GLIS1: variants seen among roughly 807,000 people sequenced by gnomAD.
GLIS1 encodes the protein zinc finger protein GLIS1.
In GLIS1, 24 loss-of-function variants were observed where a neutral mutation model predicts 63.8. The observed-to-expected ratio is 0.38, with a 90% CI of 0.27 to 0.53. The LOEUF (loss-of-function observed/expected upper bound fraction) is 0.53, where lower values mean the gene tolerates loss of function less well. Among genes scored for constraint, GLIS1 ranks in the 20% least tolerant of loss-of-function variants. The probability of loss-of-function intolerance (pLI) is 0.85; values close to 1 mark genes in which losing one functional copy is unlikely to be tolerated. For missense variants in GLIS1, 1,036 were observed against 1,074.1 expected, an observed-to-expected ratio of 0.96 and a Z score of 0.50; for synonymous variants, 450 against 482.5, an observed-to-expected ratio of 0.93 and a Z score of 0.88.
intron 2 of GLIS1, among the ~76,000 whole-genome samples, chr1:53,642,823 C>G (rs1645801946): frequency 6.6e-6 from 1 of 152,206 alleles, no homozygotes; most frequent in Non-Finnish European, 1.5e-5. Flanking sequence ...GGCTGCCCGG[C>G]CTCCCCAGTT....
Position 53,529,963 on chromosome 1 carries a change from G to C in GLIS1, c.1321-11C>G. On this transcript the variant is annotated splice_polypyrimidine_tract_variant and intron_variant, in intron 4 of 10. Transcript: ENST00000628545. Reference sequence around the variant, plus strand: ...GCTGCAGCCTTCAAACTGCAGGAGAGGCTGGTGAGGGGAACTCCCAGCCCG... The same window carrying C: ...GCTGCAGCCTTCAAACTGCAGGAGACGCTGGTGAGGGGAACTCCCAGCCCG... 6.2e-7 allele frequency: 1 copy of C among 1,611,418 alleles called. No individual in the cohort carries two copies. The highest frequency in any genetic ancestry group is 8.5e-7 in the Non-Finnish European group (1 of 1,178,838).
chr1:53,626,704 T>C (rs140950229), intron 2 of GLIS1, among the ~76,000 whole-genome samples: 1,764 of 152,346 alleles, frequency 0.012, 28 homozygotes, highest in African/African-American at 0.041. Flanking sequence ...GCATGAATCC[T>C]GTGAGGCCCA....
intron 2 of GLIS1, among the ~76,000 whole-genome samples, chr1:53,616,560 C>T (rs1023350142): frequency 6.6e-6 from 1 of 152,116 alleles, no homozygotes; most frequent in Non-Finnish European, 1.5e-5. Context: ...ATGACAGCAA[C>T]AGGGTTGGGT....
intron 2 of GLIS1, among the ~76,000 whole-genome samples, chr1:53,619,208 A>G (rs1645515473): frequency 6.6e-6 from 1 of 152,198 alleles, no homozygotes; most frequent in Non-Finnish European, 1.5e-5. Context: ...GCCAAAGAGA[A>G]CACCCATCCA....
chr1:53,574,572 G>A lies in GLIS1; in HGVS notation c.1320+19536C>T, dbSNP rs759273848. ...CAGAAAGGTAAAGTGACTTTCCCCC[G>A]GTCACACAGCACAGCAAGCCCTGGG... On this transcript the variant is annotated intron_variant, in intron 4 of 10. Transcript: ENST00000628545. This position sits in a 1 kb window ranked among gnomAD's most constrained non-coding sequence, Gnocchi z 4.2. 2.0e-4 allele frequency among the ~76,000 whole-genome samples: 31 copies of A among 152,178 alleles called. No individual in the cohort carries two copies. The highest frequency in any genetic ancestry group is 5.3e-4 in the African/African-American group (22 of 41,448).
At chr1:53,638,781 C>T (rs564987730) in intron 2 of GLIS1, among the ~76,000 whole-genome samples, 2 of 152,234 alleles carry the variant, frequency 1.3e-5, no homozygotes, top group Admixed American at 1.3e-4. Context: ...GACATGAAAA[C>T]GAGGGTAAAC....
At chr1:53,638,812 G>A (rs1275590388) in intron 2 of GLIS1, among the ~76,000 whole-genome samples, 1 of 152,160 alleles carries the variant, frequency 6.6e-6, no homozygotes, top group African/African-American at 2.4e-5. Context: ...GTGGCCGGGG[G>A]AGCACATGAC....
chr1:53,520,591 C>T lies in GLIS1; in HGVS notation c.1726+43G>A, dbSNP rs190082556. The T allele has an allele frequency of 1.1e-4, 170 of 1,545,090 alleles. 1 individual carries two copies. The African/African-American group carries it at 2.2e-3, about 20-fold the overall frequency. ...CCTTGACTGTGGGCAGAGAAAGGCC[C>T]CTCCTGGGCTACGCCCCTGGCCCTG... On this transcript the variant is annotated intron_variant, in intron 7 of 10. Transcript: ENST00000628545.
chr1:53,513,450 T>C (rs1255856687), intron 8 of GLIS1, among the ~76,000 whole-genome samples: 1 of 152,186 alleles, frequency 6.6e-6, no homozygotes, highest in Non-Finnish European at 1.5e-5. Context: ...TGACTCATGT[T>C]TCCCAGAACA....
At chr1:53,697,170 C>A (rs541727104) in intron 2 of GLIS1, among the ~76,000 whole-genome samples, 11 of 152,328 alleles carry the variant, frequency 7.2e-5, no homozygotes, top group Admixed American at 2.0e-4. Flanking sequence ...GTCACAGCAA[C>A]AAACCCCAAG....
At chr1:53,543,026 A>G (rs1644660307) in intron 4 of GLIS1, among the ~76,000 whole-genome samples, 1 of 150,758 alleles carries the variant, frequency 6.6e-6, no homozygotes, top group African/African-American at 2.5e-5. Flanking sequence ...AAGCCCCCCA[A>G]AACCCAGAAT....
intron 9 of GLIS1, 33 bp downstream of exon 9, chr1:53,509,816 G>T: frequency 3.2e-6 from 4 of 1,254,244 alleles, no homozygotes; most frequent in Non-Finnish European, 4.1e-6. Flanking sequence ...GAATTGGGGG[G>T]TTATACGGAG....
At chr1:53,693,766 C>A (rs946527760) in intron 2 of GLIS1, among the ~76,000 whole-genome samples, 1 of 152,184 alleles carries the variant, frequency 6.6e-6, no homozygotes, top group African/African-American at 2.4e-5. Flanking sequence ...CTGTTACCAC[C>A]GCACTGGGTG....
At chr1:53,529,630 T>C (rs929733781) in intron 5 of GLIS1, among the ~76,000 whole-genome samples, 161 bp downstream of exon 5, 35 of 152,062 alleles carry the variant, frequency 2.3e-4, no homozygotes, top group Non-Finnish European at 4.3e-4. Context: ...TGCTAAACAT[T>C]CTAGAATGCA....
chr1:53,677,938 A>G (rs1040180010), intron 2 of GLIS1, among the ~76,000 whole-genome samples: 1 of 152,176 alleles, frequency 6.6e-6, no homozygotes, highest in African/African-American at 2.4e-5. Flanking sequence ...TGTCAAATGG[A>G]AACACTGATG....
At chr1:53,525,285 GGGA>G (rs1348793339) in intron 5 of GLIS1, among the ~76,000 whole-genome samples, 2 of 151,344 alleles carry the variant, frequency 1.3e-5, no homozygotes, top group African/African-American at 4.9e-5. Flanking sequence ...TCTGCAGATG[GGGA>G]GGAGGAGAGG....
chr1:53,568,437 T>A (rs1242423796), intron 4 of GLIS1, among the ~76,000 whole-genome samples: 1 of 152,198 alleles, frequency 6.6e-6, no homozygotes, highest in African/African-American at 2.4e-5. Flanking sequence ...GGACTCAGAC[T>A]TTTGAGTTAA....
chr1:53,655,839 C>T (rs548626201), intron 2 of GLIS1, among the ~76,000 whole-genome samples: 1 of 152,202 alleles, frequency 6.6e-6, no homozygotes, highest in Non-Finnish European at 1.5e-5. Flanking sequence ...CAGGTTGAGG[C>T]ACCACGAGCT....
chr1:53,581,086 G>C (rs1164485742), intron 4 of GLIS1, among the ~76,000 whole-genome samples: 1 of 152,204 alleles, frequency 6.6e-6, no homozygotes, highest in Non-Finnish European at 1.5e-5. Flanking sequence ...CGCAGCAGAT[G>C]GTTTCTATGT....
Sources: gnomAD v4.1 joint callset for allele counts (sites outside exome capture counted in the v4.1 genomes callset) on GRCh38, gnomAD v4.1.1 for gene constraint, Gnocchi (gnomAD v3.1) non-coding constraint, MANE v1.5 for transcripts, NCBI Gene and HGNC (gene_info 2026-07-23, HGNC 2026-07-21) for gene names.